Variants in RAB11FIP5 observed in about 807,000 individuals in gnomAD.
The protein encoded by RAB11FIP5 is RAB11 family interacting protein 5, also known as rab11 family-interacting protein 5.
RAB11FIP5 carries 48 observed loss-of-function variants against 85.1 expected under a neutral mutation model. The observed-to-expected ratio is 0.56, with a 90% confidence interval of 0.45 to 0.72. RAB11FIP5 has a LOEUF of 0.72. Ranked by LOEUF, RAB11FIP5 falls within the 30% of genes least tolerant of loss-of-function variation. The probability of loss-of-function intolerance (pLI) is 0.00; values close to 1 mark genes in which losing one functional copy is unlikely to be tolerated. For missense variants in RAB11FIP5, 1,491 were observed against 1,687.0 expected (o/e 0.88, Z 2.04); for synonymous variants, 729 against 727.3 (o/e 1.00, Z -0.04).
At chr2:73,104,697 TCA>T (rs1231048308) in intron 1 of RAB11FIP5, among the ~76,000 whole-genome samples, 1 of 152,166 alleles carries the variant, frequency 6.6e-6, no homozygotes, top group Non-Finnish European at 1.5e-5. Context: ...CCCACCACAC[TCA>T]CAGTTTCCCT....
Position 73,075,210 on chromosome 2 carries a change from G to T in RAB11FIP5, c.*311C>A. The T allele has an allele frequency of 1.5e-6, 1 of 655,448 alleles. No homozygotes were observed. Among genetic ancestry groups the T allele is most frequent in the Non-Finnish European group, 2.8e-6 (1 of 354,800 alleles). The allele number at this position is 655,448 out of a possible 1,614,324, so 40.6% of individuals were successfully genotyped here. On this transcript the variant is annotated 3_prime_UTR_variant, in exon 6 of 6. Coordinates refer to ENST00000486777, the MANE Select transcript of RAB11FIP5 (RefSeq NM_001371272.1). The surrounding 1 kb of genome is among the most constrained non-coding windows in gnomAD (Gnocchi z 4.6). The stretch of plus-strand genomic sequence containing the variant: ...TCCCAGATTACTGCATCAAGCTACA[G>T]TTCACCCCTGCTCTGTCTTGGGGGA...
intron 1 of RAB11FIP5, among the ~76,000 whole-genome samples, chr2:73,100,715 C>A (rs1490468346): frequency 1.3e-5 from 2 of 152,098 alleles, no homozygotes; most frequent in African/African-American, 4.8e-5. Context: ...TCTGAGCCAC[C>A]ATGCCCGGCC....
chr2:73,109,569 A>G (rs944753446), intron 1 of RAB11FIP5, among the ~76,000 whole-genome samples: 1 of 152,170 alleles, frequency 6.6e-6, no homozygotes, highest in Non-Finnish European at 1.5e-5. Context: ...CTTCCTTCCC[A>G]ACAGGGCAGG....
intron 1 of RAB11FIP5, among the ~76,000 whole-genome samples, chr2:73,110,423 A>T (rs1332951607): frequency 6.6e-6 from 1 of 152,100 alleles, no homozygotes; most frequent in East Asian, 1.9e-4. Context: ...CTAGAGCACC[A>T]GGCCAACTTC....
chr2:73,112,256 T>C, intron 1 of RAB11FIP5, 91 bp downstream of exon 1: 8 of 1,341,992 alleles, frequency 6.0e-6, no homozygotes, highest in Non-Finnish European at 7.7e-6. Flanking sequence ...AAGGGCTCAC[T>C]GGCCCGGCTG....
intron 3 of RAB11FIP5, among the ~76,000 whole-genome samples, chr2:73,087,186 G>A (rs1025208004): frequency 1.3e-5 from 2 of 152,188 alleles, no homozygotes; most frequent in African/African-American, 4.8e-5. Flanking sequence ...CTGCCTATGA[G>A]GGCTGGCCCC....
Position 73,089,500 on chromosome 2 carries a change from A to G in RAB11FIP5, c.432-185T>C, listed in dbSNP as rs1421280396. 5 of 708,638 alleles carry G rather than the reference A, an allele frequency of 7.1e-6. No homozygotes were observed. The highest frequency in any genetic ancestry group is 1.3e-5 in the Non-Finnish European group (5 of 396,762). The allele number at this position is 708,638 out of a possible 1,614,324, so 43.9% of individuals were successfully genotyped here. On this transcript the variant is annotated intron_variant, in intron 1 of 5. Transcript: ENST00000486777. The surrounding 1 kb of genome is among the most constrained non-coding windows in gnomAD (Gnocchi z 4.6). ...TTCAGATGCAGCTGAGAAACTATCC[A>G]AAACATTTCCATGATGGAGAAAACC... is the stretch of plus-strand genomic sequence containing the variant.
chr2:73,089,357 A>G lies in RAB11FIP5; in HGVS notation c.432-42T>C. On this transcript the variant is annotated intron_variant, in intron 1 of 5. Coordinates refer to ENST00000486777, the MANE Select transcript of RAB11FIP5 (RefSeq NM_001371272.1). This position sits in a 1 kb window ranked among gnomAD's most constrained non-coding sequence, Gnocchi z 4.6. ...GCAGGCAGAACTCAGTCACGGGCCC[A>G]GGGAGCCTGGCTCCCGCCCGGTACC... The G allele has an allele frequency of 6.2e-7, 1 of 1,602,058 alleles. No homozygotes were observed. The highest frequency in any genetic ancestry group is 8.5e-7 in the Non-Finnish European group (1 of 1,175,342).
At position 73,086,424 on chromosome 2, in the gene RAB11FIP5, A is replaced by C. The variant is rs1684090664; in HGVS notation, c.1568+1626T>G. Among the ~76,000 whole-genome samples the C allele has an allele frequency of 6.6e-6, 1 of 152,186 alleles. No individual in the cohort carries two copies. Among genetic ancestry groups the C allele is most frequent in the Non-Finnish European group, 1.5e-5 (1 of 68,030 alleles). On this transcript the variant is annotated intron_variant, in intron 3 of 5. Transcript: ENST00000486777. The surrounding 1 kb of genome is among the most constrained non-coding windows in gnomAD (Gnocchi z 4.4). ...AGAGGATGGAGACTGTAAGTGCCCCAGGCCAGTGACAACCCCACAGACTCA... is the reference window on the plus strand; with the variant it reads ...AGAGGATGGAGACTGTAAGTGCCCCCGGCCAGTGACAACCCCACAGACTCA...
At chr2:73,090,750 A>G (rs1430671188) in intron 1 of RAB11FIP5, among the ~76,000 whole-genome samples, 1 of 152,264 alleles carries the variant, frequency 6.6e-6, no homozygotes, top group Non-Finnish European at 1.5e-5. Context: ...GAGAGGACAG[A>G]GCGATGAATA....
At position 73,075,977 on chromosome 2, in the gene RAB11FIP5, C is replaced by A. The variant is rs949434203; in HGVS notation, c.3771+16G>T. On this transcript the variant is annotated intron_variant, in intron 5 of 5. Transcript: ENST00000486777. This position sits in a 1 kb window ranked among gnomAD's most constrained non-coding sequence, Gnocchi z 4.6. ...CACATTCTGTCAGATGGCCCCCACA[C>A]CCTGCTGGGCCTTACCTTCAGCCTT... 1 of 1,603,514 alleles carries A rather than the reference C, an allele frequency of 6.2e-7. No homozygotes were observed. The highest frequency in any genetic ancestry group is 8.5e-7 in the Non-Finnish European group (1 of 1,172,382).
Position 73,112,399 on chromosome 2 carries a change from C to A in RAB11FIP5, c.379G>T (p.Ala127Ser). ...AAGACCTCGTCCAGCGCCACCGTGG[C>A]CTGGCCCAGGAACTTGTCGACGCCG... ...LIGVDKFLGQ[A>S]TVALDEVFGA... is the part of the protein sequence containing the mutation. Residue 127 changes from alanine to serine, a missense_variant, in exon 1 of 6, where the codon GCC becomes TCC. Ala to Ser is a moderately conservative substitution (Grantham distance 99). Transcript: ENST00000486777. 3 of 1,601,618 alleles carry A rather than the reference C, an allele frequency of 1.9e-6. No homozygotes were observed. Among genetic ancestry groups the A allele is most frequent in the Non-Finnish European group, 2.5e-6 (3 of 1,176,786 alleles).
intron 1 of RAB11FIP5, among the ~76,000 whole-genome samples, chr2:73,105,402 C>A (rs895485954): frequency 6.6e-6 from 1 of 152,068 alleles, no homozygotes; most frequent in Non-Finnish European, 1.5e-5. Flanking sequence ...ACCACCATGC[C>A]CAGCTAATTT....
chr2:73,076,154 C>A lies in RAB11FIP5; in HGVS notation c.3610G>T (p.Ala1204Ser). The change falls in exon 5 of 6, where the codon GCC (alanine) becomes TCC (serine). Residue 1204 changes from alanine (A) to serine (S), a missense_variant. Around this residue, in one of 3 missense-constraint regions of RAB11FIP5, gnomAD observed 232 missense variants for 259.1 expected, o/e 0.90. Coordinates refer to ENST00000486777, the MANE Select transcript of RAB11FIP5 (RefSeq NM_001371272.1). ...CTGTCGGGGCTGCCCTCCACAGGGG[C>A]GGCACTGAGGGGCTTCACGGGGTGG... ...SPHPVKPLSA[A>S]PVEGSPDRKQ... is the part of the protein sequence containing the mutation. 1 of 1,612,740 alleles carries A rather than the reference C, an allele frequency of 6.2e-7. No individual in the cohort carries two copies. Among genetic ancestry groups the A allele is most frequent in the Non-Finnish European group, 8.5e-7 (1 of 1,178,972 alleles).
intron 4 of RAB11FIP5, among the ~76,000 whole-genome samples, chr2:73,077,626 G>A (rs1468091196): frequency 6.6e-6 from 1 of 152,182 alleles, no homozygotes; most frequent in Non-Finnish European, 1.5e-5. Context: ...TCTTACAAAA[G>A]CTATTCTTCT....
Position 73,075,993 on chromosome 2 carries a change from CT to C in RAB11FIP5, c.3770del (p.Lys1257ArgfsTer15), listed in dbSNP as rs1683852327. ...AGQMVDTKRL[K>X]DSAVLDQSAK... ...GCCCCCACACCCTGCTGGGCCTTAC[CT>C]TCAGCCTTTTGGTGTCCACCATCTG... is the stretch of plus-strand genomic sequence containing the variant. On this transcript the variant is annotated frameshift_variant and splice_region_variant, in exon 5 of 6. Coordinates refer to ENST00000486777, the MANE Select transcript of RAB11FIP5 (RefSeq NM_001371272.1). LOFTEE classifies it high-confidence loss of function. This position sits in a 1 kb window ranked among gnomAD's most constrained non-coding sequence, Gnocchi z 4.6. The C allele has an allele frequency of 6.2e-7, 1 of 1,611,448 alleles. No homozygotes were observed. The highest frequency in any genetic ancestry group is 1.3e-5 in the African/African-American group (1 of 75,040).
At chr2:73,103,536 C>T (rs143218107) in intron 1 of RAB11FIP5, among the ~76,000 whole-genome samples, 107 of 151,910 alleles carry the variant, frequency 7.0e-4, no homozygotes, top group African/African-American at 2.4e-3. Context: ...CAGGCTTAGA[C>T]ATCAGAAATC....
Position 73,112,894 on chromosome 2 carries a change from G to A in RAB11FIP5, c.-117C>T. On this transcript the variant is annotated 5_prime_UTR_variant, in exon 1 of 6. Transcript: ENST00000486777. ...CAACTCTGAGCGCCGCCGCAGCTGC[G>A]GGCTGGGCTGGGCCGGGCCGACCGG... 1 of 971,816 alleles carries A rather than the reference G, an allele frequency of 1.0e-6. No individual in the cohort carries two copies. Among genetic ancestry groups the A allele is most frequent in the African/African-American group, 1.7e-5 (1 of 58,316 alleles). 60.2% of individuals were successfully genotyped at this position (971,816 alleles called of 1,614,324 possible).
At position 73,087,616 on chromosome 2, in the gene RAB11FIP5, T is replaced by C. The variant is rs566084986; in HGVS notation, c.1568+434A>G. On this transcript the variant is annotated intron_variant, in intron 3 of 5. Transcript: ENST00000486777. ...CAGAGACAGCTGGGGAGAAGTCCTC[T>C]AGCTCCAGAGAGGGGAAGGGAAGTC... Among the ~76,000 whole-genome samples the C allele has an allele frequency of 1.1e-3, 166 of 152,294 alleles. 1 individual carries two copies. The highest frequency in any genetic ancestry group is 3.9e-3 in the African/African-American group (161 of 41,574).
Sources: gnomAD v4.1 joint callset for allele counts (sites outside exome capture counted in the v4.1 genomes callset) on GRCh38, gnomAD v4.1.1 for gene constraint, gnomAD v4.1.1 regional missense constraint, Gnocchi (gnomAD v3.1) non-coding constraint, MANE v1.5 for transcripts, NCBI Gene and HGNC (gene_info 2026-07-23, HGNC 2026-07-21) for gene names.